Variants in CCDC183 observed in about 807,000 individuals in gnomAD.
The protein encoded by CCDC183 is coiled-coil domain-containing protein 183.
In CCDC183, 63 loss-of-function variants were observed where a neutral mutation model predicts 65.2. The ratio of observed to expected loss-of-function variants is 0.97; its 90% CI spans 0.79 to 1.19. CCDC183 has a LOEUF of 1.19. CCDC183 is among the 50% of genes most tolerant of loss of function. The probability of loss-of-function intolerance (pLI) is 0.00; values close to 1 mark genes in which losing one functional copy is unlikely to be tolerated. For synonymous variants in CCDC183, 323 were observed against 276.5 expected, an observed-to-expected ratio of 1.17 and a Z score of -1.67; for missense variants, 769 against 689.3, an observed-to-expected ratio of 1.12 and a Z score of -1.30.
At chr9:136,806,354 A>G in intron 10 of CCDC183, 116 bp downstream of exon 10, 1 of 1,389,482 alleles carries the variant, frequency 7.2e-7, no homozygotes, top group Non-Finnish European at 9.9e-7. Flanking sequence ...TGTGTCCCAC[A>G]GAGGGGCCAG....
At chr9:136,797,801 G>A (rs1370743222) in intron 1 of CCDC183, among the ~76,000 whole-genome samples, 1 of 152,088 alleles carries the variant, frequency 6.6e-6, no homozygotes, top group Non-Finnish European at 1.5e-5. Context: ...CAGGTGTGGA[G>A]GGGCAGGCCC....
chr9:136,805,630 C>T lies in CCDC183; in HGVS notation c.948+173C>T, dbSNP rs1847830698. 7 of 598,592 alleles carry T rather than the reference C, an allele frequency of 1.2e-5. No individual in the cohort carries two copies. The East Asian group carries it at 2.0e-4, about 17-fold the overall frequency. The allele number at this position is 598,592 out of a possible 1,614,324, so 37.1% of individuals were successfully genotyped here. A position where few individuals can be genotyped will look rare whatever the true frequency, so the allele number is the denominator to read the frequency against. On this transcript the variant is annotated intron_variant, in intron 9 of 13. Coordinates refer to ENST00000338005, the MANE Select transcript of CCDC183 (RefSeq NM_001039374.5). The stretch of plus-strand genomic sequence containing the variant: ...GGCAACTCCCTCGGCCGCCCCAAAT[C>T]CTTTTATCTTAATCCCATCTGTGTA...
intron 5 of CCDC183, 50 bp downstream of exon 5, chr9:136,800,543 A>C: frequency 3.4e-6 from 3 of 876,160 alleles, no homozygotes; most frequent in Non-Finnish European, 5.3e-6. Flanking sequence ...GGGATCTGGG[A>C]GGGGCGGGAG....
intron 6 of CCDC183, 24 bp downstream of exon 6, chr9:136,802,810 GGGCCCCCCAGGGCCA>G: frequency 6.6e-7 from 1 of 1,520,926 alleles, no homozygotes; most frequent in Admixed American, 2.2e-5. Context: ...CCAGGGCTGG[GGGCCCCCCAGGGCCA>G]GCCCTCTTGG....
At chr9:136,799,879 G>A in intron 3 of CCDC183, 89 bp downstream of exon 3, 1 of 1,507,726 alleles carries the variant, frequency 6.6e-7, no homozygotes, top group Non-Finnish European at 9.0e-7. Context: ...ACGAGGGACG[G>A]AGCAGGTGCC....
rs1179825293 is a variant in CCDC183 at position 136,799,201 on chromosome 9, A to G, written c.170A>G (p.Gln57Arg). ...CGCAGCAACATCCGCCGCGGGGCCC[A>G]GGACTGGGCTTTGGCCAAGAAGGTA... ...LLRSNIRRGA[Q>R]DWALAKKYDQ... Residue 57 changes from glutamine (Q) to arginine (R), a missense_variant, in exon 2 of 14, where the codon CAG becomes CGG. Physicochemically the swap from Gln to Arg is conservative, Grantham distance 43. Transcript: ENST00000338005. 4.4e-6 allele frequency: 7 copies of G among 1,607,788 alleles called. No individual in the cohort carries two copies. Among genetic ancestry groups the G allele is most frequent in the Non-Finnish European group, 5.1e-6 (6 of 1,177,654 alleles).
chr9:136,806,283 C>G, intron 10 of CCDC183, 45 bp downstream of exon 10: 1 of 1,553,464 alleles, frequency 6.4e-7, no homozygotes. Flanking sequence ...CCCAGTCTCA[C>G]AAAGGCCCCG....
In CCDC183 at chr9:136,799,954, G is replaced by C. The variant is rs763494045; in HGVS notation, c.271-48G>C. 10 of 1,551,636 alleles carry C rather than the reference G, an allele frequency of 6.4e-6. No individual in the cohort carries two copies. The South Asian group carries it at 1.2e-4, about 18-fold the overall frequency. On this transcript the variant is annotated intron_variant, in intron 3 of 13. Coordinates refer to ENST00000338005, the MANE Select transcript of CCDC183 (RefSeq NM_001039374.5). ...CCGCCCGCCTGCTGGCGGGCTCCAT[G>C]GCGGCCCCCTACGCAACCACGAGTG...
intron 5 of CCDC183, among the ~76,000 whole-genome samples, chr9:136,802,119 T>C (rs554559640): frequency 5.9e-5 from 9 of 152,308 alleles, no homozygotes; most frequent in South Asian, 2.1e-4. Flanking sequence ...CAAACCACTA[T>C]AGCAAAGCTA....
Position 136,800,070 on chromosome 9 carries a change from G to A in CCDC183, c.339G>A (p.Leu113=), listed in dbSNP as rs1263233229. The change falls in exon 4 of 14, where the codon CTG becomes CTA. Residue 113 remains leucine, a synonymous_variant. Coordinates refer to ENST00000338005, the MANE Select transcript of CCDC183 (RefSeq NM_001039374.5). The part of the protein sequence containing the change: ...RVNMHNLLIH[L]VRRRGQKLES... ...ACATGCACAACCTACTGATCCACCT[G>A]GTGCGGCGGCGCGGGCAGAAGCTGG... 1 of 1,578,042 alleles carries A rather than the reference G, an allele frequency of 6.3e-7. No homozygotes were observed. Among genetic ancestry groups the A allele is most frequent in the Non-Finnish European group, 8.6e-7 (1 of 1,163,246 alleles).
At position 136,804,338 on chromosome 9, in the gene CCDC183, G is replaced by T; in HGVS notation, c.667-164G>T. On this transcript the variant is annotated intron_variant, in intron 6 of 13. Transcript: ENST00000338005. This position sits in a 1 kb window ranked among gnomAD's most constrained non-coding sequence, Gnocchi z 4.1. ...TGGGCAAGGAGGGCCGTGAGCTGAG[G>T]GGCCACGGGCACAAGTGGTTTAGGA... 2.2e-6 allele frequency: 2 copies of T among 928,528 alleles called. No individual in the cohort carries two copies. Among genetic ancestry groups the T allele is most frequent in the Non-Finnish European group, 3.1e-6 (2 of 637,198 alleles). 57.5% of individuals were successfully genotyped at this position (928,528 alleles called of 1,614,324 possible).
At chr9:136,800,260 T>A in intron 4 of CCDC183, 91 bp downstream of exon 4, 2 of 716,434 alleles carry the variant, frequency 2.8e-6, no homozygotes, top group Non-Finnish European at 3.9e-6. Context: ...GACTTGCGGG[T>A]CCCCTGGGGA....
Position 136,804,387 on chromosome 9 carries a change from G to A in CCDC183, c.667-115G>A, listed in dbSNP as rs1847804733. 1 of 1,385,252 alleles carries A rather than the reference G, an allele frequency of 7.2e-7. No individual in the cohort carries two copies. Among genetic ancestry groups the A allele is most frequent in the Non-Finnish European group, 9.6e-7 (1 of 1,036,378 alleles). 85.8% of individuals were successfully genotyped at this position (1,385,252 alleles called of 1,614,324 possible). On this transcript the variant is annotated intron_variant, in intron 6 of 13. Transcript: ENST00000338005. The surrounding 1 kb of genome is among the most constrained non-coding windows in gnomAD (Gnocchi z 4.1). ...GAAAAGGGTGTGGCCATTGGCCGGGGATGCAGTTCCAAAGTCTAGTAAGGT... is the reference window on the plus strand; with the variant it reads ...GAAAAGGGTGTGGCCATTGGCCGGGAATGCAGTTCCAAAGTCTAGTAAGGT...
In CCDC183 at chr9:136,802,638, C is replaced by A. The variant is rs755527166; in HGVS notation, c.544-26C>A. On this transcript the variant is annotated intron_variant, in intron 5 of 13. Transcript: ENST00000338005. ...GCAACTGCAGCCCACTCTGTAGGGG[C>A]CACAAGAGAACCCCATTCAACACAG... The A allele has an allele frequency of 1.3e-5, 21 of 1,595,830 alleles. No individual in the cohort carries two copies. The East Asian group carries it at 1.3e-4, about 10-fold the overall frequency.
At chr9:136,807,335 G>A (rs1290271423) in intron 13 of CCDC183, 1 of 658,986 alleles carries the variant, frequency 1.5e-6, no homozygotes, top group Non-Finnish European at 2.6e-6. Context: ...GGCTGGAGCA[G>A]GGAGGAGCGC....
chr9:136,804,106 G>T lies in CCDC183; in HGVS notation c.667-396G>T. 1 of 221,286 alleles carries T rather than the reference G, an allele frequency of 4.5e-6. No individual in the cohort carries two copies. Among genetic ancestry groups the T allele is most frequent in the South Asian group, 6.5e-5 (1 of 15,472 alleles). 13.7% of individuals were successfully genotyped at this position (221,286 alleles called of 1,614,324 possible). On this transcript the variant is annotated intron_variant, in intron 6 of 13. Coordinates refer to ENST00000338005, the MANE Select transcript of CCDC183 (RefSeq NM_001039374.5). This position sits in a 1 kb window ranked among gnomAD's most constrained non-coding sequence, Gnocchi z 4.1. ...AGTGGCGAGGGTGAGAGCAGTGTCTGGGGTGCGTGAGCAGGGGTTAGCAGA... is the reference window on the plus strand; with the variant it reads ...AGTGGCGAGGGTGAGAGCAGTGTCTTGGGTGCGTGAGCAGGGGTTAGCAGA...
intron 10 of CCDC183, 64 bp downstream of exon 10, chr9:136,806,302 C>A: frequency 6.6e-7 from 1 of 1,512,824 alleles, no homozygotes; most frequent in Non-Finnish European, 8.9e-7. Flanking sequence ...CGGGCTGCAG[C>A]CAGGCTGGGA....
At chr9:136,805,551 A>T (rs1274383610) in intron 9 of CCDC183, 94 bp downstream of exon 9, 4 of 1,178,186 alleles carry the variant, frequency 3.4e-6, no homozygotes, top group Non-Finnish European at 4.9e-6. Context: ...GCATGGCAGG[A>T]GGGTGGCTGA....
At chr9:136,797,438 CTTTT>C (rs373062914) in intron 1 of CCDC183, among the ~76,000 whole-genome samples, 2 of 142,166 alleles carry the variant, frequency 1.4e-5, no homozygotes, top group African/African-American at 2.6e-5. Context: ...TACTTTGTGT[CTTTT>C]TTTTTTTTTT....
Sources: gnomAD v4.1 joint callset for allele counts (sites outside exome capture counted in the v4.1 genomes callset) on GRCh38, gnomAD v4.1.1 for gene constraint, Gnocchi (gnomAD v3.1) non-coding constraint, MANE v1.5 for transcripts, NCBI Gene and HGNC (gene_info 2026-07-23, HGNC 2026-07-21) for gene names.